SPAG16: variants seen among roughly 807,000 people sequenced by gnomAD.
SPAG16 encodes the protein sperm associated antigen 16.
Under a neutral mutation model 80.4 loss-of-function variants are expected in SPAG16, and 86 were observed. The ratio of observed to expected loss-of-function variants is 1.07; its 90% CI spans 0.90 to 1.28. The LOEUF (loss-of-function observed/expected upper bound fraction) is 1.28, where lower values mean the gene tolerates loss of function less well. Ranked by LOEUF, SPAG16 falls within the 50% of genes most tolerant of loss-of-function variation. The pLI is 0.00. For missense variants in SPAG16, 870 were observed against 765.3 expected (o/e 1.14, Z -1.61); for synonymous variants, 294 against 265.9 (o/e 1.11, Z -1.03).
chr2:213,284,645 C>T (rs1322029529), intron 1 of SPAG16, 26 bp downstream of exon 1: 4 of 1,598,022 alleles, frequency 2.5e-6, no homozygotes, highest in East Asian at 4.5e-5. Context: ...AGGCGCGGCC[C>T]GCTGCGCTGG....
chr2:214,333,477 T>G (rs1697070729), intron 15 of SPAG16, among the ~76,000 whole-genome samples: 1 of 152,216 alleles, frequency 6.6e-6, no homozygotes, highest in African/African-American at 2.4e-5. Flanking sequence ...TCGATCATCC[T>G]CCTTGCTTAC....
chr2:213,675,607 C>T (rs368140078), intron 10 of SPAG16, among the ~76,000 whole-genome samples: 1 of 152,042 alleles, frequency 6.6e-6, no homozygotes, highest in Non-Finnish European at 1.5e-5. Flanking sequence ...TACATATGGC[C>T]AGCCAGTTTT....
intron 11 of SPAG16, among the ~76,000 whole-genome samples, chr2:213,925,193 T>G (rs989456626): frequency 6.6e-6 from 1 of 152,208 alleles, no homozygotes; most frequent in Non-Finnish European, 1.5e-5. Context: ...TTTATTTATC[T>G]ACACAAATAT....
intron 10 of SPAG16, among the ~76,000 whole-genome samples, chr2:213,516,233 C>T (rs1247754849): frequency 6.6e-6 from 1 of 152,104 alleles, no homozygotes; most frequent in African/African-American, 2.4e-5. Flanking sequence ...TTCACATCAG[C>T]TGTGGAAATT....
chr2:214,046,078 G>A (rs2125112543), intron 13 of SPAG16, among the ~76,000 whole-genome samples: 1 of 152,086 alleles, frequency 6.6e-6, no homozygotes, highest in African/African-American at 2.4e-5. Context: ...GCAATTATAA[G>A]CCAATAAATT....
intron 15 of SPAG16, among the ~76,000 whole-genome samples, chr2:214,362,405 T>G (rs1364341930): frequency 6.6e-6 from 1 of 151,942 alleles, no homozygotes; most frequent in Non-Finnish European, 1.5e-5. Context: ...CAATAATGCT[T>G]TCTACCACAG....
chr2:213,705,284 A>AAGGG (rs1198975496), intron 10 of SPAG16, among the ~76,000 whole-genome samples: 29 of 148,706 alleles, frequency 2.0e-4, no homozygotes, highest in African/African-American at 6.1e-4. Flanking sequence ...GGGAGGGAGG[A>AAGGG]AGGGAGGGAG....
At chr2:214,408,947 A>G (rs772955797) in intron 15 of SPAG16, among the ~76,000 whole-genome samples, 34 of 152,026 alleles carry the variant, frequency 2.2e-4, no homozygotes, top group Non-Finnish European at 4.3e-4. Context: ...CTAACTATTT[A>G]AAATACAGAT....
At chr2:213,657,322 T>C (rs2063256571) in intron 10 of SPAG16, among the ~76,000 whole-genome samples, 2 of 152,316 alleles carry the variant, frequency 1.3e-5, no homozygotes, top group African/African-American at 2.4e-5. Context: ...ATTTCCCTTC[T>C]GTAAAATGGG....
At chr2:213,755,930 G>A (rs1354616676) in intron 10 of SPAG16, among the ~76,000 whole-genome samples, 1 of 152,132 alleles carries the variant, frequency 6.6e-6, no homozygotes, top group Non-Finnish European at 1.5e-5. Context: ...CCCTGTGGCT[G>A]CATTTAACCA....
intron 10 of SPAG16, among the ~76,000 whole-genome samples, chr2:213,858,509 A>G (rs947129234): frequency 1.3e-5 from 2 of 152,232 alleles, no homozygotes; most frequent in African/African-American, 4.8e-5. Flanking sequence ...ATACTATAGT[A>G]TAGGGTAAAC....
chr2:214,010,729 G>T (rs530400711), intron 12 of SPAG16, among the ~76,000 whole-genome samples: 1 of 146,552 alleles, frequency 6.8e-6, no homozygotes, highest in East Asian at 2.0e-4. Context: ...GGATGCAGAG[G>T]ATTAATTTAA....
chr2:213,395,642 G>C (rs1470339016), intron 9 of SPAG16, among the ~76,000 whole-genome samples: 3 of 152,068 alleles, frequency 2.0e-5, no homozygotes, highest in African/African-American at 4.8e-5. Flanking sequence ...ATGATAAAAT[G>C]CCCTATCATT....
intron 13 of SPAG16, among the ~76,000 whole-genome samples, chr2:214,025,382 C>T (rs2125024213): frequency 6.6e-6 from 1 of 151,670 alleles, no homozygotes; most frequent in East Asian, 1.9e-4. Flanking sequence ...TACTTGTAGC[C>T]TCTTAATTTT....
chr2:214,383,841 AT>A (rs1253422527), intron 15 of SPAG16, among the ~76,000 whole-genome samples: 4 of 152,196 alleles, frequency 2.6e-5, no homozygotes, highest in Non-Finnish European at 5.9e-5. Flanking sequence ...CATTCTGGCT[AT>A]TGTATACATT....
Position 214,372,021 on chromosome 2 carries a change from G to A in SPAG16, c.1721-38119G>A, listed in dbSNP as rs77447515. ...ATGAATTATATATATCTTATATGTA[G>A]TTCATTGCTAGACCTTCTCCTGTCT... On this transcript the variant is annotated intron_variant, in intron 15 of 15. Transcript: ENST00000331683. Among the ~76,000 whole-genome samples the A allele has an allele frequency of 1.1e-3, 172 of 152,166 alleles. 5 individuals are homozygous for A. The East Asian group carries it at 0.03, about 27-fold the overall frequency.
intron 10 of SPAG16, among the ~76,000 whole-genome samples, chr2:213,696,881 A>C (rs1332087578): frequency 1.3e-5 from 2 of 152,182 alleles, no homozygotes; most frequent in Non-Finnish European, 1.5e-5. Context: ...GAAGAGAAAT[A>C]GTAGCTGGAA....
At chr2:213,746,884 T>C (rs561263177) in intron 10 of SPAG16, among the ~76,000 whole-genome samples, 1 of 152,220 alleles carries the variant, frequency 6.6e-6, no homozygotes, top group Non-Finnish European at 1.5e-5. Context: ...AATAGATGAC[T>C]GTTCCTGGTT....
chr2:214,270,540 A>G (rs1024909136), intron 15 of SPAG16, among the ~76,000 whole-genome samples: 1 of 152,160 alleles, frequency 6.6e-6, no homozygotes, highest in African/African-American at 2.4e-5. Flanking sequence ...ACGAGCCTCT[A>G]TGATATGGCT....
Sources: allele counts gnomAD v4.1 joint callset (sites outside exome capture counted in the v4.1 genomes callset), GRCh38; gene constraint gnomAD v4.1.1; transcripts MANE v1.5; gene names NCBI Gene and HGNC (gene_info 2026-07-23, HGNC 2026-07-21).